TTC27: variants seen among roughly 807,000 people sequenced by gnomAD.
TTC27 encodes tetratricopeptide repeat domain 27, also known as tetratricopeptide repeat protein 27.
A neutral mutation model predicts 115.9 loss-of-function variants in TTC27; 79 were observed. The ratio of observed to expected loss-of-function variants is 0.68; its 90% CI spans 0.57 to 0.82. The LOEUF (loss-of-function observed/expected upper bound fraction) is 0.82, where lower values mean the gene tolerates loss of function less well. TTC27 is among the 40% of genes least tolerant of loss of function. The pLI is 0.00. For synonymous variants in TTC27, 401 were observed against 356.0 expected, an observed-to-expected ratio of 1.13 and a Z score of -1.42; for missense variants, 1,054 against 993.1, an observed-to-expected ratio of 1.06 and a Z score of -0.82.
chr2:32,746,378 A>G (rs1274644493), intron 12 of TTC27, among the ~76,000 whole-genome samples: 7 of 151,956 alleles, frequency 4.6e-5, no homozygotes, highest in Non-Finnish European at 8.8e-5. Context: ...CCTGGCCAAC[A>G]TGGTGAAACC....
chr2:32,639,786 T>C (rs775604133), intron 3 of TTC27, among the ~76,000 whole-genome samples: 22 of 152,116 alleles, frequency 1.4e-4, no homozygotes, highest in Non-Finnish European at 2.6e-4. Flanking sequence ...GGGGATCACT[T>C]AAGGTCAGGA....
At chr2:32,754,815 G>GT (rs1664289707) in intron 12 of TTC27, among the ~76,000 whole-genome samples, 4 of 95,220 alleles carry the variant, frequency 4.2e-5, no homozygotes, top group South Asian at 4.0e-4. Flanking sequence ...GGCTGGCTGG[G>GT]CGGGGGGGCT....
chr2:32,757,558 C>T (rs1669275723), intron 12 of TTC27, among the ~76,000 whole-genome samples: 1 of 152,212 alleles, frequency 6.6e-6, no homozygotes, highest in Non-Finnish European at 1.5e-5. Flanking sequence ...AGTCCGTCAG[C>T]ACCATTTTTC....
intron 5 of TTC27, among the ~76,000 whole-genome samples, chr2:32,658,205 C>T (rs1209325171): frequency 6.6e-6 from 1 of 152,210 alleles, no homozygotes; most frequent in Non-Finnish European, 1.5e-5. Flanking sequence ...TCACTGCAAC[C>T]TCAACCTCCT....
chr2:32,797,405 T>A (rs1404553754), intron 16 of TTC27, among the ~76,000 whole-genome samples: 1 of 151,890 alleles, frequency 6.6e-6, no homozygotes, highest in Non-Finnish European at 1.5e-5. Flanking sequence ...CTCCATCCCC[T>A]GGGCTCAAGC....
intron 11 of TTC27, among the ~76,000 whole-genome samples, chr2:32,735,267 T>A (rs1179437508): frequency 2.0e-5 from 3 of 152,220 alleles, no homozygotes; most frequent in Non-Finnish European, 4.4e-5. Context: ...AGGAATAGCT[T>A]CTTCATCAAG....
Position 32,774,206 on chromosome 2 carries a change from G to C in TTC27, c.1681-3676G>C, listed in dbSNP as rs560817528. 1.1e-3 allele frequency among the ~76,000 whole-genome samples: 145 copies of C among 137,148 alleles called. 1 individual carries two copies. Among genetic ancestry groups the C allele is most frequent in the Non-Finnish European group, 1.9e-3 (125 of 64,586 alleles). 90.0% of individuals were successfully genotyped at this position (137,148 alleles called of 152,430 possible). ...TACTTTTTTTTTTTTTTTTGAGACA[G>C]AGTCTCATTTTTTAGCCCAGGCCAG... On this transcript the variant is annotated intron_variant, in intron 13 of 19. Transcript: ENST00000317907.
chr2:32,809,601 G>C (rs898108763), intron 16 of TTC27, among the ~76,000 whole-genome samples: 20 of 152,310 alleles, frequency 1.3e-4, no homozygotes, highest in African/African-American at 4.8e-4. Flanking sequence ...GACTAGCATG[G>C]TGTTACAGTA....
chr2:32,772,157 G>C (rs1179520407), intron 13 of TTC27, among the ~76,000 whole-genome samples: 1 of 152,078 alleles, frequency 6.6e-6, no homozygotes, highest in African/African-American at 2.4e-5. Context: ...CTTAGTTTTT[G>C]CTAGCCCTCA....
chr2:32,807,745 T>G (rs1162419486), intron 16 of TTC27, among the ~76,000 whole-genome samples: 2 of 152,150 alleles, frequency 1.3e-5, no homozygotes, highest in East Asian at 3.8e-4. Context: ...TTGTTCTGGC[T>G]TTGGTTCTGG....
At chr2:32,797,657 C>G (rs1191542400) in intron 16 of TTC27, among the ~76,000 whole-genome samples, 5 of 152,092 alleles carry the variant, frequency 3.3e-5, no homozygotes, top group East Asian at 1.9e-4. Context: ...CTGTAAAACT[C>G]TTAAAAGTAA....
At chr2:32,702,533 G>A (rs938119096) in intron 9 of TTC27, among the ~76,000 whole-genome samples, 8 of 152,098 alleles carry the variant, frequency 5.3e-5, no homozygotes, top group African/African-American at 1.9e-4. Context: ...TTTGATATAG[G>A]CCAGTCTTTG....
chr2:32,766,931 A>G (rs1482014643), intron 13 of TTC27, among the ~76,000 whole-genome samples: 1 of 152,012 alleles, frequency 6.6e-6, no homozygotes, highest in Admixed American at 6.6e-5. Flanking sequence ...GACTATAGGC[A>G]TGCACCACCA....
intron 13 of TTC27, among the ~76,000 whole-genome samples, chr2:32,761,193 G>A (rs1375931212): frequency 6.6e-6 from 1 of 151,894 alleles, no homozygotes; most frequent in Non-Finnish European, 1.5e-5. Context: ...CCTATAAATA[G>A]CAACCCCATC....
chr2:32,629,207 C>T (rs778341799), intron 1 of TTC27, among the ~76,000 whole-genome samples: 2 of 151,728 alleles, frequency 1.3e-5, no homozygotes, highest in Admixed American at 1.3e-4. Context: ...CTGCAACCTC[C>T]GCTTCCCCGG....
chr2:32,661,422 G>C (rs1665543631), intron 5 of TTC27, among the ~76,000 whole-genome samples: 1 of 152,060 alleles, frequency 6.6e-6, no homozygotes, highest in Non-Finnish European at 1.5e-5. Flanking sequence ...TTTTCCATTT[G>C]TTTGTGCCCT....
intron 5 of TTC27, among the ~76,000 whole-genome samples, chr2:32,663,262 G>A (rs953105875): frequency 4.6e-5 from 7 of 152,136 alleles, no homozygotes; most frequent in African/African-American, 1.4e-4. Context: ...CTGCCCAAAC[G>A]GCTGCCCAGT....
At chr2:32,775,076 A>G (rs1174851162) in intron 13 of TTC27, among the ~76,000 whole-genome samples, 1 of 152,264 alleles carries the variant, frequency 6.6e-6, no homozygotes, top group African/African-American at 2.4e-5. Flanking sequence ...TAACCTCATC[A>G]CCAGTCTGTT....
chr2:32,676,679 C>T (rs193108225), intron 8 of TTC27, among the ~76,000 whole-genome samples: 2 of 151,686 alleles, frequency 1.3e-5, no homozygotes, highest in Non-Finnish European at 2.9e-5. Flanking sequence ...TTAGTAGAGA[C>T]GGGGTTTCAC....
Sources: allele counts gnomAD v4.1 joint callset (sites outside exome capture counted in the v4.1 genomes callset), GRCh38; gene constraint gnomAD v4.1.1; transcripts MANE v1.5; gene names NCBI Gene and HGNC (gene_info 2026-07-23, HGNC 2026-07-21).